The following GABRG1 variants were observed in gnomAD, a reference collection of about 807,000 sequenced individuals.
GABRG1 encodes the protein gamma-aminobutyric acid receptor subunit gamma-1.
GABRG1 carries 49 observed loss-of-function variants against 49.8 expected under a neutral mutation model. The observed-to-expected ratio is 0.98, with a 90% confidence interval of 0.78 to 1.25. The LOEUF (loss-of-function observed/expected upper bound fraction) is 1.25. GABRG1 is among the 50% of genes most tolerant of loss of function. The probability of loss-of-function intolerance (pLI) is 0.00; values close to 1 mark genes in which losing one functional copy is unlikely to be tolerated. For synonymous variants in GABRG1, 232 were observed against 185.1 expected (o/e 1.25, Z -2.06); for missense variants, 552 against 552.3 (o/e 1.00, Z 0.01).
intron 4 of GABRG1, 26 bp downstream of exon 4, chr4:46,065,338 A>G: frequency 7.2e-7 from 1 of 1,394,600 alleles, no homozygotes; most frequent in Non-Finnish European, 1.0e-6. Flanking sequence ...AATGAGAGCA[A>G]CTACAGATTT....
chr4:46,114,539 T>C (rs183139710), intron 1 of GABRG1, among the ~76,000 whole-genome samples: 176 of 151,036 alleles, frequency 1.2e-3, no homozygotes, highest in African/African-American at 3.6e-3. Flanking sequence ...TTTGAAGGTA[T>C]TTAGGTATTT....
intron 1 of GABRG1, among the ~76,000 whole-genome samples, chr4:46,113,242 A>C (rs1234289625): frequency 6.6e-6 from 1 of 151,152 alleles, no homozygotes; most frequent in Admixed American, 6.6e-5. Context: ...ATTGACTCAC[A>C]GTTCAGTATA....
chr4:46,106,285 G>C (rs984175046), intron 1 of GABRG1, among the ~76,000 whole-genome samples: 4 of 151,390 alleles, frequency 2.6e-5, no homozygotes, highest in African/African-American at 9.7e-5. Flanking sequence ...CTGTCACCAA[G>C]ACTGCCCCAT....
At position 46,037,555 on chromosome 4, in the gene GABRG1, T is replaced by C. The variant is rs1717577973; in HGVS notation, c.*3433A>G. 6.6e-6 allele frequency: 1 copy of C among 151,756 alleles called. No homozygotes were observed. Among genetic ancestry groups the C allele is most frequent in the Non-Finnish European group, 1.5e-5 (1 of 67,842 alleles). 9.4% of individuals were successfully genotyped at this position (151,756 alleles called of 1,614,324 possible). On this transcript the variant is annotated 3_prime_UTR_variant, in exon 9 of 9. Transcript: ENST00000295452. ...TTCTAGTGAGACAAGCAGTAAAGGC[T>C]TAAGAGTCTACTGGGTACCTTCAAT...
chr4:46,086,027 T>A (rs1341685593), intron 2 of GABRG1, among the ~76,000 whole-genome samples: 1 of 151,602 alleles, frequency 6.6e-6, no homozygotes, highest in African/African-American at 2.4e-5. Context: ...TGCAATAGCA[T>A]AACAATGCAT....
chr4:46,119,210 G>A (rs1030735310), intron 1 of GABRG1, among the ~76,000 whole-genome samples: 4 of 151,278 alleles, frequency 2.6e-5, no homozygotes, highest in African/African-American at 9.7e-5. Flanking sequence ...TAGGTACAAA[G>A]TAGATTTTTC....
intron 3 of GABRG1, among the ~76,000 whole-genome samples, chr4:46,067,245 T>C (rs1718951574): frequency 6.6e-6 from 1 of 152,074 alleles, no homozygotes; most frequent in African/African-American, 2.4e-5. Flanking sequence ...AATATAAAAA[T>C]AAATTGAGAA....
chr4:46,102,374 A>T (rs542125446), intron 1 of GABRG1, among the ~76,000 whole-genome samples: 1 of 151,780 alleles, frequency 6.6e-6, no homozygotes, highest in South Asian at 2.1e-4. Flanking sequence ...TCTGAAGGGC[A>T]ATTTGTGTTG....
intron 1 of GABRG1, among the ~76,000 whole-genome samples, chr4:46,100,595 C>T (rs527713717): frequency 2.0e-5 from 3 of 150,526 alleles, no homozygotes; most frequent in East Asian, 4.0e-4. Flanking sequence ...TTTCATTCAC[C>T]TCTAAATTTC....
chr4:46,112,086 G>A (rs1444341172), intron 1 of GABRG1, among the ~76,000 whole-genome samples: 1 of 151,102 alleles, frequency 6.6e-6, no homozygotes, highest in Non-Finnish European at 1.5e-5. Context: ...TTTGCAAACT[G>A]TGCATCTGAC....
intron 2 of GABRG1, among the ~76,000 whole-genome samples, chr4:46,090,373 A>G (rs967859357): frequency 6.6e-6 from 1 of 152,120 alleles, no homozygotes; most frequent in Non-Finnish European, 1.5e-5. Flanking sequence ...GGCAACTATC[A>G]AAATACCTAC....
In GABRG1 at chr4:46,119,511, A is replaced by G. The variant is rs1237672750; in HGVS notation, c.104+4299T>C. ...TCTGTAAAATTGAGAGAATAACAATATCGAGGCTATATTCTTCTTCTTCTT... is the reference window on the plus strand; with the variant it reads ...TCTGTAAAATTGAGAGAATAACAATGTCGAGGCTATATTCTTCTTCTTCTT... On this transcript the variant is annotated intron_variant, in intron 1 of 8. Transcript: ENST00000295452. Among the ~76,000 whole-genome samples the G allele has an allele frequency of 2.6e-5, 4 of 151,534 alleles. No individual in the cohort carries two copies. In the Admixed American group the frequency reaches 2.6e-4, roughly 10 times the overall value.
chr4:46,076,328 A>G (rs1372401256), intron 3 of GABRG1, among the ~76,000 whole-genome samples: 1 of 145,500 alleles, frequency 6.9e-6, no homozygotes, highest in African/African-American at 2.5e-5. Context: ...ACATGACAAA[A>G]TATGAACTAC....
At chr4:46,090,465 T>A (rs1462120434) in intron 2 of GABRG1, among the ~76,000 whole-genome samples, 1 of 152,040 alleles carries the variant, frequency 6.6e-6, no homozygotes, top group East Asian at 1.9e-4. Context: ...GTTTATATTT[T>A]AAGCATTGAT....
At chr4:46,092,105 A>T (rs1258379428) in intron 2 of GABRG1, among the ~76,000 whole-genome samples, 1 of 152,086 alleles carries the variant, frequency 6.6e-6, no homozygotes, top group African/African-American at 2.4e-5. Flanking sequence ...AATAATTTTC[A>T]TATAAAACTG....
At chr4:46,086,462 T>C (rs1719757214) in intron 2 of GABRG1, among the ~76,000 whole-genome samples, 1 of 151,536 alleles carries the variant, frequency 6.6e-6, no homozygotes, top group South Asian at 2.1e-4. Flanking sequence ...ACTATTCTAA[T>C]TTCACTAAGA....
intron 5 of GABRG1, among the ~76,000 whole-genome samples, chr4:46,062,534 C>T (rs189188105): frequency 0.012 from 1,873 of 152,228 alleles, 38 homozygotes; most frequent in African/African-American, 0.043. Flanking sequence ...CTCTCCAGCA[C>T]CTGTTGTTTC....
chr4:46,111,856 G>T (rs960566076), intron 1 of GABRG1, among the ~76,000 whole-genome samples: 11 of 151,080 alleles, frequency 7.3e-5, no homozygotes, highest in Non-Finnish European at 1.5e-5. Context: ...TAGATTAAAG[G>T]TTTAAATGTA....
chr4:46,109,717 G>A (rs899287348), intron 1 of GABRG1, among the ~76,000 whole-genome samples: 1 of 151,102 alleles, frequency 6.6e-6, no homozygotes, highest in Non-Finnish European at 1.5e-5. Flanking sequence ...TTGTGTCTCT[G>A]TCTTCATTTA....
Sources: gnomAD v4.1 joint callset for allele counts (sites outside exome capture counted in the v4.1 genomes callset) on GRCh38, gnomAD v4.1.1 for gene constraint, MANE v1.5 for transcripts, NCBI Gene and HGNC (gene_info 2026-07-23, HGNC 2026-07-21) for gene names.